RAB11FIP4: variants seen among roughly 807,000 people sequenced by gnomAD.
RAB11FIP4 encodes rab11 family-interacting protein 4.
RAB11FIP4 carries 23 observed loss-of-function variants against 74.3 expected under a neutral mutation model. The observed-to-expected ratio is 0.31, with a 90% CI of 0.22 to 0.44. RAB11FIP4 has a LOEUF of 0.44. Among genes scored for constraint, RAB11FIP4 ranks in the 20% least tolerant of loss-of-function variants. The pLI, the probability that RAB11FIP4 is intolerant of heterozygous loss-of-function variation, is 1.00. For synonymous variants in RAB11FIP4, 360 were observed against 359.9 expected (o/e 1.00, Z 0.00); for missense variants, 630 against 863.9 (o/e 0.73, Z 3.39).
intron 3 of RAB11FIP4, among the ~76,000 whole-genome samples, chr17:31,468,779 A>G (rs1438199958): frequency 6.6e-6 from 1 of 152,044 alleles, no homozygotes; most frequent in African/African-American, 2.4e-5. Context: ...GCAGTGAGCC[A>G]AGATCGCACC....
rs139860602 is a variant in RAB11FIP4 at position 31,490,304 on chromosome 17, G to A, written c.337-27347G>A. 4.4e-3 allele frequency among the ~76,000 whole-genome samples: 665 copies of A among 152,240 alleles called. 4 individuals carry two copies. The highest frequency in any genetic ancestry group is 0.015 in the African/African-American group (618 of 41,528). On this transcript the variant is annotated intron_variant, in intron 3 of 14. Coordinates refer to ENST00000621161, the MANE Select transcript of RAB11FIP4 (RefSeq NM_032932.6). ...GCAACTCCCTCCTTCATCTGTACCC[G>A]TAGGTATCTGGCAGTCCCCGATCTG...
intron 3 of RAB11FIP4, chr17:31,488,492 G>T: frequency 2.6e-6 from 1 of 388,978 alleles, no homozygotes; most frequent in Non-Finnish European, 3.7e-6. Context: ...AGTGGACTAG[G>T]AAGGGGGCTC....
At chr17:31,476,793 G>A (rs971811484) in intron 3 of RAB11FIP4, among the ~76,000 whole-genome samples, 1 of 152,236 alleles carries the variant, frequency 6.6e-6, no homozygotes, top group Non-Finnish European at 1.5e-5. Context: ...TTGCTGGGCC[G>A]TGGTTTTCCC....
intron 1 of RAB11FIP4, among the ~76,000 whole-genome samples, chr17:31,406,778 A>G (rs1195172965): frequency 6.6e-6 from 1 of 152,020 alleles, no homozygotes; most frequent in Non-Finnish European, 1.5e-5. Flanking sequence ...ACTGTTTGTC[A>G]TGCCATTTTT....
intron 3 of RAB11FIP4, among the ~76,000 whole-genome samples, chr17:31,441,518 T>TTTCA (rs1555544102): frequency 3.3e-5 from 5 of 150,852 alleles, no homozygotes; most frequent in Admixed American, 3.3e-4. Flanking sequence ...ACTCTCCTTA[T>TTTCA]TTTATTTATT....
chr17:31,457,218 A>G (rs561484693), intron 3 of RAB11FIP4, among the ~76,000 whole-genome samples: 1 of 152,230 alleles, frequency 6.6e-6, no homozygotes, highest in African/African-American at 2.4e-5. Context: ...CAGGTTCTCG[A>G]CTGTGTTCTC....
intron 3 of RAB11FIP4, among the ~76,000 whole-genome samples, chr17:31,444,767 A>G (rs1463573286): frequency 6.6e-6 from 1 of 152,234 alleles, no homozygotes; most frequent in Non-Finnish European, 1.5e-5. Flanking sequence ...TTTGGGTTTT[A>G]TGAACCTGTA....
chr17:31,528,284 G>A, intron 11 of RAB11FIP4, 122 bp from the exon 12 acceptor site: 2 of 1,135,856 alleles, frequency 1.8e-6, no homozygotes, highest in Non-Finnish European at 2.5e-6. Context: ...TCCGTCTAAG[G>A]GAGCTGGTTT....
intron 3 of RAB11FIP4, among the ~76,000 whole-genome samples, chr17:31,473,908 G>A (rs1200219984): frequency 2.0e-5 from 3 of 152,166 alleles, no homozygotes; most frequent in Non-Finnish European, 2.9e-5. Flanking sequence ...GCTGCAGACC[G>A]TCCCCAGGAG....
intron 1 of RAB11FIP4, among the ~76,000 whole-genome samples, chr17:31,426,259 G>T (rs1479272710): frequency 6.6e-6 from 1 of 152,106 alleles, no homozygotes; most frequent in East Asian, 1.9e-4. Context: ...GCCACTACAG[G>T]TGGGCAAAAA....
chr17:31,531,914 T>C lies in RAB11FIP4; in HGVS notation c.*182T>C. The C allele has an allele frequency of 1.7e-6, 1 of 584,880 alleles. No homozygotes were observed. Among genetic ancestry groups the C allele is most frequent in the Non-Finnish European group, 3.0e-6 (1 of 328,210 alleles). The allele number at this position is 584,880 out of a possible 1,614,324, so 36.2% of individuals were successfully genotyped here. ...CACACGAGCGAGGGGTGAGTGGCCGTGGCTGTGGGCAGCATCCACACGGTT... is the reference window on the plus strand; with the variant it reads ...CACACGAGCGAGGGGTGAGTGGCCGCGGCTGTGGGCAGCATCCACACGGTT... On this transcript the variant is annotated 3_prime_UTR_variant, in exon 15 of 15. Coordinates refer to ENST00000621161, the MANE Select transcript of RAB11FIP4 (RefSeq NM_032932.6).
Position 31,535,498 on chromosome 17 carries a change from C to T in RAB11FIP4, c.*3766C>T, listed in dbSNP as rs1003218198. Reference sequence around the variant, plus strand: ...TTGAGACTGCCCTGTCCTGCAAGGTCGTTGGCCAGAGGTAGAGGAAACTGG... The same window carrying T: ...TTGAGACTGCCCTGTCCTGCAAGGTTGTTGGCCAGAGGTAGAGGAAACTGG... On this transcript the variant is annotated 3_prime_UTR_variant, in exon 15 of 15. Transcript: ENST00000621161. The T allele has an allele frequency of 1.3e-5, 2 of 152,236 alleles. No individual in the cohort carries two copies. The highest frequency in any genetic ancestry group is 2.9e-5 in the Non-Finnish European group (2 of 68,066). 9.4% of individuals were successfully genotyped at this position (152,236 alleles called of 1,614,324 possible). A position where few individuals can be genotyped will look rare whatever the true frequency, so the allele number is the denominator to read the frequency against.
rs749296163 is a variant in RAB11FIP4 at position 31,442,003 on chromosome 17, C to CT, written c.336+7894dup. 6.3e-3 allele frequency among the ~76,000 whole-genome samples: 918 copies of CT among 144,678 alleles called. 4 individuals carry two copies. Among genetic ancestry groups the CT allele is most frequent in the South Asian group, 0.011 (49 of 4,552 alleles). The allele number at this position is 144,678 out of a possible 152,430, so 94.9% of individuals were successfully genotyped here. A position where few individuals can be genotyped will look rare whatever the true frequency, so the allele number is the denominator to read the frequency against. On this transcript the variant is annotated intron_variant, in intron 3 of 14. Transcript: ENST00000621161. ...TTTCTTATTGTTGGGCGTATATACA[C>CT]TTTTTTTTTTTTTGAGACGGAGTCT...
At chr17:31,516,862 C>T (rs542097371) in intron 3 of RAB11FIP4, among the ~76,000 whole-genome samples, 1 of 152,216 alleles carries the variant, frequency 6.6e-6, no homozygotes, top group Non-Finnish European at 1.5e-5. Flanking sequence ...GGTTTAAATA[C>T]CATCTAGAGG....
chr17:31,520,536 C>T (rs1009502663), intron 4 of RAB11FIP4, among the ~76,000 whole-genome samples: 1 of 152,080 alleles, frequency 6.6e-6, no homozygotes, highest in Non-Finnish European at 1.5e-5. Context: ...GAGACGGAGT[C>T]TCCCTCTGTC....
Position 31,517,824 on chromosome 17 carries a change from G to A in RAB11FIP4, c.510G>A (p.Gly170=), listed in dbSNP as rs1241238956. Reference sequence around the variant, plus strand: ...CTCAGAGCCTGGAGGGGTCTGTCGGGAGTCCTGCCGAGAAGGACGGGGGAC... The same window carrying A: ...CTCAGAGCCTGGAGGGGTCTGTCGGAAGTCCTGCCGAGAAGGACGGGGGAC... ...ESTQSLEGSV[G]SPAEKDGGLG... Residue 170 remains glycine (G), a synonymous_variant, in exon 4 of 15, where the codon GGG becomes GGA. Transcript: ENST00000621161. 6.4e-7 allele frequency: 1 copy of A among 1,552,016 alleles called. No individual in the cohort carries two copies. The highest frequency in any genetic ancestry group is 1.4e-5 in the African/African-American group (1 of 73,092).
chr17:31,474,545 C>T (rs2071770256), intron 3 of RAB11FIP4, among the ~76,000 whole-genome samples: 1 of 151,938 alleles, frequency 6.6e-6, no homozygotes. Context: ...GTGGTGCATG[C>T]CTGTAGTTCC....
Position 31,495,322 on chromosome 17 carries a change from C to A in RAB11FIP4, c.337-22329C>A, listed in dbSNP as rs567229154. 7.6e-3 allele frequency among the ~76,000 whole-genome samples: 1,154 copies of A among 151,716 alleles called. 11 individuals are homozygous for A. The highest frequency in any genetic ancestry group is 0.014 in the Middle Eastern group (4 of 290). On this transcript the variant is annotated intron_variant, in intron 3 of 14. Coordinates refer to ENST00000621161, the MANE Select transcript of RAB11FIP4 (RefSeq NM_032932.6). ...CTCAGGCGAAGCTGGCTAGCCTGGC[C>A]TAGCCTGGCTGGTTAGGTGGGCAGG...
chr17:31,496,111 G>A (rs1298520377), intron 3 of RAB11FIP4, among the ~76,000 whole-genome samples: 1 of 152,182 alleles, frequency 6.6e-6, no homozygotes, highest in Non-Finnish European at 1.5e-5. Context: ...GGTAACCTCT[G>A]GGGAACTTAT....
Sources: gnomAD v4.1 joint callset for allele counts (sites outside exome capture counted in the v4.1 genomes callset) on GRCh38, gnomAD v4.1.1 for gene constraint, MANE v1.5 for transcripts, NCBI Gene and HGNC (gene_info 2026-07-23, HGNC 2026-07-21) for gene names.